Variants in ELF1 observed in about 807,000 individuals in gnomAD.
ELF1 encodes E74 like ETS transcription factor 1.
In ELF1, 24 loss-of-function variants were observed where a neutral mutation model predicts 59.9. The ratio of observed to expected loss-of-function variants is 0.40; its 90% CI spans 0.29 to 0.56. The LOEUF (loss-of-function observed/expected upper bound fraction) is 0.56, where lower values mean the gene tolerates loss of function less well. Ranked by LOEUF, ELF1 falls within the 20% of genes least tolerant of loss-of-function variation. The pLI is 0.44. For synonymous variants in ELF1, 248 were observed against 266.2 expected, an observed-to-expected ratio of 0.93 and a Z score of 0.67; for missense variants, 627 against 742.2, an observed-to-expected ratio of 0.84 and a Z score of 1.80.
At chr13:41,027,082 A>G (rs1327118953) in intron 1 of ELF1, among the ~76,000 whole-genome samples, 5 of 152,212 alleles carry the variant, frequency 3.3e-5, no homozygotes, top group Admixed American at 2.6e-4. Context: ...AGGGCAGCAC[A>G]CCCAGTTACG....
rs1199027304 is a variant in ELF1, at chr13:40,943,163, C to T, written c.614-19G>A. The T allele has an allele frequency of 6.7e-7, 1 of 1,487,742 alleles. No homozygotes were observed. The highest frequency in any genetic ancestry group is 9.0e-7 in the Non-Finnish European group (1 of 1,110,694). 92.2% of individuals were successfully genotyped at this position (1,487,742 alleles called of 1,614,324 possible). On this transcript the variant is annotated intron_variant, in intron 6 of 8. Coordinates refer to ENST00000239882, the MANE Select transcript of ELF1 (RefSeq NM_172373.4). ...GTGTTTCCTGAAACAAAAACAATTT[C>T]TTTCTAAATGACCAAAATTTCATTT... is the stretch of plus-strand genomic sequence containing the variant.
intron 1 of ELF1, among the ~76,000 whole-genome samples, chr13:41,046,034 T>C (rs559276221): frequency 8.5e-5 from 13 of 152,340 alleles, no homozygotes; most frequent in African/African-American, 3.1e-4. Context: ...TTTACCATTA[T>C]GTAATGGCCT....
intron 1 of ELF1, among the ~76,000 whole-genome samples, chr13:41,002,709 G>A (rs1201759630): frequency 1.3e-5 from 2 of 151,890 alleles, no homozygotes; most frequent in African/African-American, 4.8e-5. Flanking sequence ...TGTGGGTAAG[G>A]GAGAAGGGTA....
chr13:41,012,210 G>C (rs1472092062), intron 1 of ELF1, among the ~76,000 whole-genome samples: 1 of 150,658 alleles, frequency 6.6e-6, no homozygotes, highest in Admixed American at 6.7e-5. Context: ...CTACTTCGGA[G>C]GCCGAGGCAG....
chr13:41,033,137 T>G (rs1716643279), intron 1 of ELF1, among the ~76,000 whole-genome samples: 1 of 152,220 alleles, frequency 6.6e-6, no homozygotes, highest in Admixed American at 6.5e-5. Flanking sequence ...TTAGTTACAC[T>G]TCTGGTCAAA....
At chr13:40,977,280 T>C (rs185299529) in intron 2 of ELF1, among the ~76,000 whole-genome samples, 83 of 152,184 alleles carry the variant, frequency 5.5e-4, no homozygotes, top group African/African-American at 2.0e-3. Flanking sequence ...CAAAGCACCA[T>C]TGCATAAAGG....
intron 1 of ELF1, among the ~76,000 whole-genome samples, chr13:41,011,755 T>C (rs1265261844): frequency 4.6e-5 from 7 of 152,096 alleles, no homozygotes; most frequent in Non-Finnish European, 1.0e-4. Context: ...CATTTTTAAC[T>C]GATGCAGAGT....
At chr13:41,049,748 C>G (rs1877005531) in intron 1 of ELF1, among the ~76,000 whole-genome samples, 1 of 152,060 alleles carries the variant, frequency 6.6e-6, no homozygotes, top group Non-Finnish European at 1.5e-5. Context: ...GAAGCCTTCT[C>G]AATCCAGCCC....
At chr13:41,028,400 TC>T (rs1405659526) in intron 1 of ELF1, among the ~76,000 whole-genome samples, 1 of 152,168 alleles carries the variant, frequency 6.6e-6, no homozygotes, top group African/African-American at 2.4e-5. Flanking sequence ...TCCAGGAAGG[TC>T]TACTAATAGC....
chr13:41,055,776 C>G (rs759094225), intron 1 of ELF1, among the ~76,000 whole-genome samples: 45 of 151,818 alleles, frequency 3.0e-4, no homozygotes, highest in Non-Finnish European at 5.3e-4. Context: ...CCTCAACCCC[C>G]CAGGTTCAAG....
chr13:41,019,141 C>T (rs766000429), intron 1 of ELF1, 87 bp downstream of exon 1: 1 of 945,196 alleles, frequency 1.1e-6, no homozygotes, highest in Admixed American at 6.2e-5. Flanking sequence ...ACACATTCAG[C>T]CATGTTCTTC....
chr13:40,998,494 A>C (rs1874240095), intron 1 of ELF1, among the ~76,000 whole-genome samples: 1 of 152,218 alleles, frequency 6.6e-6, no homozygotes, highest in Admixed American at 6.5e-5. Context: ...TTTTTGCAAA[A>C]GGATGAAATC....
In ELF1 at chr13:40,962,008, G is replaced by A. The variant is rs17061681; in HGVS notation, c.73-2992C>T. Reference sequence around the variant, plus strand: ...TAACAAGGGATACTTCCAAATTTTTGAGTCTATACAGTTCTTGAGTTTTGG... The same window carrying A: ...TAACAAGGGATACTTCCAAATTTTTAAGTCTATACAGTTCTTGAGTTTTGG... On this transcript the variant is annotated intron_variant, in intron 2 of 8. Coordinates refer to ENST00000239882, the MANE Select transcript of ELF1 (RefSeq NM_172373.4). Among the ~76,000 whole-genome samples the A allele has an allele frequency of 5.7e-3, 872 of 152,288 alleles. 8 individuals carry two copies. Among genetic ancestry groups the A allele is most frequent in the South Asian group, 0.014 (69 of 4,824 alleles).
At chr13:41,027,452 T>C (rs1277671134) in intron 1 of ELF1, among the ~76,000 whole-genome samples, 1 of 152,172 alleles carries the variant, frequency 6.6e-6, no homozygotes, top group Non-Finnish European at 1.5e-5. Flanking sequence ...CTTAGCAACA[T>C]GGATTTCCAC....
In ELF1 at chr13:40,958,921, C is replaced by G. The variant is rs149627137; in HGVS notation, c.168G>C (p.Glu56Asp). 1 of 1,614,054 alleles carries G rather than the reference C, an allele frequency of 6.2e-7. No individual in the cohort carries two copies. The highest frequency in any genetic ancestry group is 8.5e-7 in the Non-Finnish European group (1 of 1,180,004). ...AACTCTCAGTAATCATGTCATTGGG[C>G]TCTTCCACACAGGCTAGACCGGCAT... ...NSYAGLACVE[E>D]PNDMITESSL... Residue 56 changes from glutamate to aspartate, a missense_variant, in exon 3 of 9, where the codon GAG becomes GAC. Transcript: ENST00000239882.
chr13:40,974,349 T>TA (rs1429744507), intron 2 of ELF1, among the ~76,000 whole-genome samples: 1 of 152,192 alleles, frequency 6.6e-6, no homozygotes, highest in African/African-American at 2.4e-5. Flanking sequence ...TTTCACCACT[T>TA]ACATGTTGCA....
chr13:40,971,580 G>A (rs1182834058), intron 2 of ELF1, among the ~76,000 whole-genome samples: 5 of 152,168 alleles, frequency 3.3e-5, no homozygotes, highest in Admixed American at 6.5e-5. Context: ...AAAAATCCTG[G>A]CTTCTCTCTT....
At chr13:40,961,144 G>C (rs1185071868) in intron 2 of ELF1, among the ~76,000 whole-genome samples, 1 of 99,540 alleles carries the variant, frequency 1.0e-5, no homozygotes, top group Admixed American at 1.2e-4. Context: ...ACTGAGGTTA[G>C]ACATTACTTC....
At chr13:40,978,652 C>T (rs73469259) in intron 2 of ELF1, among the ~76,000 whole-genome samples, 2,862 of 151,872 alleles carry the variant, frequency 0.019, 86 homozygotes, top group African/African-American at 0.064. Context: ...TCCCACTGGG[C>T]AAAAGGATAT....
Sources: gnomAD v4.1 joint callset for allele counts (sites outside exome capture counted in the v4.1 genomes callset) on GRCh38, gnomAD v4.1.1 for gene constraint, MANE v1.5 for transcripts, NCBI Gene and HGNC (gene_info 2026-07-23, HGNC 2026-07-21) for gene names.